Variants in UNC5C observed in about 807,000 individuals in gnomAD.
UNC5C encodes unc-5 netrin receptor C, also known as netrin receptor UNC5C.
UNC5C carries 47 observed loss-of-function variants against 99.8 expected under a neutral mutation model. That is an observed-to-expected ratio of 0.47 (90% CI 0.37 to 0.60). The LOEUF (loss-of-function observed/expected upper bound fraction) is 0.60, where lower values mean the gene tolerates loss of function less well. UNC5C is among the 20% of genes least tolerant of loss of function. The probability of loss-of-function intolerance (pLI) is 0.00; values close to 1 mark genes in which losing one functional copy is unlikely to be tolerated. For synonymous variants in UNC5C, 487 were observed against 452.2 expected (o/e 1.08, Z -0.98); for missense variants, 1,062 against 1,165.9 (o/e 0.91, Z 1.30).
At chr4:95,271,241 T>G (rs1288323585) in intron 4 of UNC5C, among the ~76,000 whole-genome samples, 1 of 152,006 alleles carries the variant, frequency 6.6e-6, no homozygotes. Context: ...TATTTTTTTT[T>G]TTTTGAGACG....
intron 1 of UNC5C, among the ~76,000 whole-genome samples, chr4:95,432,678 CT>C (rs1746665433): frequency 6.6e-6 from 1 of 152,038 alleles, no homozygotes; most frequent in Non-Finnish European, 1.5e-5. Flanking sequence ...TTAAATACCC[CT>C]GATTTACTGA....
At chr4:95,498,453 A>G (rs1721685614) in intron 1 of UNC5C, among the ~76,000 whole-genome samples, 1 of 152,040 alleles carries the variant, frequency 6.6e-6, no homozygotes, top group Admixed American at 6.6e-5. Flanking sequence ...TGTTACATAA[A>G]AAAGGAAAAC....
chr4:95,543,599 T>C (rs1266376465), intron 1 of UNC5C, among the ~76,000 whole-genome samples: 1 of 152,226 alleles, frequency 6.6e-6, no homozygotes, highest in Non-Finnish European at 1.5e-5. Flanking sequence ...GTGTCCATTT[T>C]CTTTTAAAGA....
intron 1 of UNC5C, among the ~76,000 whole-genome samples, chr4:95,536,070 A>G (rs1219230734): frequency 2.7e-5 from 3 of 113,112 alleles, no homozygotes; most frequent in Non-Finnish European, 5.9e-5. Context: ...ACATATATAT[A>G]TATATATATA....
At chr4:95,460,197 GTT>G (rs5860408) in intron 1 of UNC5C, among the ~76,000 whole-genome samples, 1 of 137,396 alleles carries the variant, frequency 7.3e-6, no homozygotes, top group African/African-American at 2.7e-5. Flanking sequence ...TCCATGTGGT[GTT>G]TTTTTTTTTT....
At chr4:95,413,401 G>A (rs1181273109) in intron 1 of UNC5C, among the ~76,000 whole-genome samples, 1 of 152,132 alleles carries the variant, frequency 6.6e-6, no homozygotes, top group African/African-American at 2.4e-5. Context: ...GGTGGGGCCT[G>A]GCTGCCAGCA....
chr4:95,333,125 A>T (rs1314793488), intron 2 of UNC5C, among the ~76,000 whole-genome samples: 1 of 152,192 alleles, frequency 6.6e-6, no homozygotes. Flanking sequence ...TGTTTGTGGG[A>T]CTGTAAACTA....
At chr4:95,437,300 T>G (rs1448442877) in intron 1 of UNC5C, among the ~76,000 whole-genome samples, 1 of 151,908 alleles carries the variant, frequency 6.6e-6, no homozygotes, top group Admixed American at 6.6e-5. Context: ...TGAATTTGCA[T>G]TTCTATACTA....
At chr4:95,503,895 A>T (rs918701652) in intron 1 of UNC5C, among the ~76,000 whole-genome samples, 1 of 152,156 alleles carries the variant, frequency 6.6e-6, no homozygotes, top group African/African-American at 2.4e-5. Flanking sequence ...TATCCTTGAT[A>T]TAACAAAACA....
intron 1 of UNC5C, among the ~76,000 whole-genome samples, chr4:95,363,310 A>G (rs565858118): frequency 6.6e-6 from 1 of 152,288 alleles, no homozygotes; most frequent in Non-Finnish European, 1.5e-5. Flanking sequence ...AGGCACCACT[A>G]AATCAAGAGT....
At chr4:95,211,358 C>T (rs1424528941) in intron 10 of UNC5C, among the ~76,000 whole-genome samples, 2 of 152,166 alleles carry the variant, frequency 1.3e-5, no homozygotes, top group East Asian at 1.9e-4. Context: ...AAAGCCACTC[C>T]GAAGGGCGTG....
chr4:95,211,145 G>C (rs925562569), intron 10 of UNC5C, among the ~76,000 whole-genome samples: 6 of 152,166 alleles, frequency 3.9e-5, no homozygotes, highest in African/African-American at 1.4e-4. Flanking sequence ...ACCTCTGTGG[G>C]AACAGGAGAT....
rs373317999 is a variant in UNC5C, at chr4:95,288,063, A to ATTAT, written c.491-9705_491-9702dup. On this transcript the variant is annotated intron_variant, in intron 3 of 15. Coordinates refer to ENST00000453304, the MANE Select transcript of UNC5C (RefSeq NM_003728.4). ...ATAGTCCAACCCCCTCACTTTACAG[A>ATTAT]TTATTTATTTATTTATTTATTTATT... 7.8e-3 allele frequency among the ~76,000 whole-genome samples: 1,123 copies of ATTAT among 143,228 alleles called. 3 individuals carry two copies. The highest frequency in any genetic ancestry group is 0.021 in the Middle Eastern group (6 of 280). The allele number at this position is 143,228 out of a possible 152,430, so 94.0% of individuals were successfully genotyped here.
intron 1 of UNC5C, among the ~76,000 whole-genome samples, chr4:95,529,368 C>T (rs979826420): frequency 6.8e-6 from 1 of 146,350 alleles, no homozygotes; most frequent in African/African-American, 2.5e-5. Context: ...TATATATATA[C>T]ATAAAAAATA....
chr4:95,258,743 A>ACTCTTTTTTTTTTTT (rs1184674099), intron 4 of UNC5C, among the ~76,000 whole-genome samples: 1 of 85,868 alleles, frequency 1.2e-5, no homozygotes, highest in African/African-American at 3.8e-5. Context: ...CGACCATCTT[A>ACTCTTTTTTTTTTTT]TTCTTTTTTT....
At position 95,327,942 on chromosome 4, in the gene UNC5C, A is replaced by G. The variant is rs574786076; in HGVS notation, c.346+7468T>C. ...AGGCTGTCACACTGACTCTTCACGG[A>G]GCTGTTAACATTTAAGCCATCCGTG... On this transcript the variant is annotated intron_variant, in intron 2 of 15. Transcript: ENST00000453304. 6.0e-5 allele frequency among the ~76,000 whole-genome samples: 9 copies of G among 150,864 alleles called. No homozygotes were observed. The South Asian group carries it at 6.3e-4, about 11-fold the overall frequency.
At chr4:95,457,695 A>T (rs1747482102) in intron 1 of UNC5C, among the ~76,000 whole-genome samples, 1 of 152,154 alleles carries the variant, frequency 6.6e-6, no homozygotes, top group Admixed American at 6.6e-5. Context: ...AGAGAGAGAG[A>T]GGGAGAAGTG....
intron 3 of UNC5C, among the ~76,000 whole-genome samples, chr4:95,290,343 GT>G (rs36036934): frequency 0.53 from 79,023 of 148,048 alleles, 21,128 homozygotes; most frequent in East Asian, 0.8. Context: ...GTTTGGTGGT[GT>G]TTTTTTTTTT....
At chr4:95,520,720 TC>T (rs1174876812) in intron 1 of UNC5C, among the ~76,000 whole-genome samples, 3 of 150,356 alleles carry the variant, frequency 2.0e-5, no homozygotes, top group African/African-American at 7.3e-5. Flanking sequence ...TGCCTCAGCC[TC>T]CCGAGTAGCT....
Sources: gnomAD v4.1 joint callset for allele counts (sites outside exome capture counted in the v4.1 genomes callset) on GRCh38, gnomAD v4.1.1 for gene constraint, MANE v1.5 for transcripts, NCBI Gene and HGNC (gene_info 2026-07-23, HGNC 2026-07-21) for gene names.